Variants in PIK3R4 observed in about 807,000 individuals in gnomAD.
PIK3R4 encodes phosphoinositide 3-kinase regulatory subunit 4.
A neutral mutation model predicts 136.5 loss-of-function variants in PIK3R4; 46 were observed. The observed-to-expected ratio is 0.34, with a 90% CI of 0.27 to 0.43. PIK3R4 has a LOEUF of 0.43. Ranked by LOEUF, PIK3R4 falls within the 20% of genes least tolerant of loss-of-function variation. The probability of loss-of-function intolerance (pLI) is 1.00; values close to 1 mark genes in which losing one functional copy is unlikely to be tolerated. For synonymous variants in PIK3R4, 557 were observed against 566.7 expected, an observed-to-expected ratio of 0.98 and a Z score of 0.24; for missense variants, 1,331 against 1,649.5, an observed-to-expected ratio of 0.81 and a Z score of 3.35.
chr3:130,722,700 T>C (rs2066708467), intron 7 of PIK3R4, among the ~76,000 whole-genome samples: 2 of 151,898 alleles, frequency 1.3e-5, no homozygotes, highest in Non-Finnish European at 2.9e-5. Context: ...GCTAGTCAAG[T>C]GCCCAAAAAT....
chr3:130,728,341 A>C, intron 6 of PIK3R4, 122 bp downstream of exon 6: 1 of 659,764 alleles, frequency 1.5e-6, no homozygotes, highest in South Asian at 2.2e-5. Context: ...TGAAGACAGA[A>C]ATACTAGGAA....
chr3:130,696,160 G>C (rs1306801876), intron 13 of PIK3R4, among the ~76,000 whole-genome samples: 2 of 151,508 alleles, frequency 1.3e-5, no homozygotes, highest in South Asian at 2.1e-4. Flanking sequence ...TTAGTAACTT[G>C]AGTCCTCCCT....
intron 15 of PIK3R4, 53 bp from the exon 16 acceptor site, chr3:130,684,434 G>C: frequency 6.7e-7 from 1 of 1,499,694 alleles, no homozygotes; most frequent in Non-Finnish European, 9.2e-7. Flanking sequence ...AGTGCATCAA[G>C]CTGCATTTAT....
intron 7 of PIK3R4, among the ~76,000 whole-genome samples, chr3:130,721,471 A>G (rs1396683865): frequency 6.6e-6 from 1 of 152,224 alleles, no homozygotes; most frequent in Non-Finnish European, 1.5e-5. Context: ...AGCATTATTC[A>G]CAAGAGTCGA....
At chr3:130,697,503 T>A (rs1182769483) in intron 13 of PIK3R4, among the ~76,000 whole-genome samples, 3 of 152,188 alleles carry the variant, frequency 2.0e-5, no homozygotes, top group African/African-American at 7.2e-5. Context: ...TTTCACCCCT[T>A]CTACCAACTC....
chr3:130,702,053 A>T (rs1319850357), intron 13 of PIK3R4, among the ~76,000 whole-genome samples: 3 of 151,938 alleles, frequency 2.0e-5, no homozygotes, highest in African/African-American at 4.8e-5. Context: ...AGGCGGGAGG[A>T]TTGCTTGAAA....
At chr3:130,726,779 T>C (rs1308910720) in intron 6 of PIK3R4, among the ~76,000 whole-genome samples, 4 of 151,984 alleles carry the variant, frequency 2.6e-5, no homozygotes, top group African/African-American at 7.2e-5. Flanking sequence ...CAAACTAATA[T>C]GTGTTTCAAA....
intron 9 of PIK3R4, among the ~76,000 whole-genome samples, chr3:130,715,711 G>A (rs1315167858): frequency 6.6e-6 from 1 of 152,068 alleles, no homozygotes; most frequent in Non-Finnish European, 1.5e-5. Context: ...TAGGCTGCCT[G>A]TTCACTCTGA....
intron 13 of PIK3R4, among the ~76,000 whole-genome samples, chr3:130,692,963 A>G (rs1576452062): frequency 6.6e-6 from 1 of 152,102 alleles, no homozygotes; most frequent in South Asian, 2.1e-4. Context: ...CCCAAAAGAA[A>G]CCCTGTATCC....
intron 15 of PIK3R4, 146 bp downstream of exon 15, chr3:130,686,065 G>T: frequency 1.7e-6 from 1 of 598,906 alleles, no homozygotes. Flanking sequence ...AAATAAAATT[G>T]CAAGTTATTT....
At chr3:130,718,632 G>T in intron 7 of PIK3R4, 98 bp from the exon 8 acceptor site, 1 of 1,211,562 alleles carries the variant, frequency 8.3e-7, no homozygotes. Flanking sequence ...AAAGGATTTT[G>T]CCACAGTGTT....
intron 9 of PIK3R4, among the ~76,000 whole-genome samples, chr3:130,709,539 A>C (rs1170278046): frequency 3.3e-5 from 5 of 152,130 alleles, no homozygotes. Flanking sequence ...TCTTGACTAA[A>C]TCCCAGTGTT....
chr3:130,679,586 A>ATGT, intron 19 of PIK3R4, 101 bp from the exon 20 acceptor site: 1 of 759,038 alleles, frequency 1.3e-6, no homozygotes, highest in South Asian at 1.8e-5. Flanking sequence ...TGTTGTATTT[A>ATGT]AGTTAACACC....
chr3:130,708,925 G>A (rs529198721), intron 9 of PIK3R4, among the ~76,000 whole-genome samples: 2 of 152,202 alleles, frequency 1.3e-5, no homozygotes, highest in African/African-American at 4.8e-5. Context: ...GTTGTGTTGA[G>A]AAATTTATAT....
At chr3:130,700,536 G>C (rs2066568935) in intron 13 of PIK3R4, among the ~76,000 whole-genome samples, 1 of 152,160 alleles carries the variant, frequency 6.6e-6, no homozygotes, top group Non-Finnish European at 1.5e-5. Flanking sequence ...TAGTCCCAAA[G>C]AGACAAACTG....
intron 6 of PIK3R4, among the ~76,000 whole-genome samples, chr3:130,728,079 C>T (rs1309847697): frequency 1.3e-5 from 2 of 151,646 alleles, no homozygotes; most frequent in African/African-American, 2.4e-5. Flanking sequence ...TGCATGTTCA[C>T]TTTTATTAAC....
At position 130,681,083 on chromosome 3, in the gene PIK3R4, T is replaced by C. The variant is rs768773260; in HGVS notation, c.3709-18A>G. On this transcript the variant is annotated intron_variant, in intron 17 of 19. Coordinates refer to ENST00000356763, the MANE Select transcript of PIK3R4 (RefSeq NM_014602.3). The stretch of plus-strand genomic sequence containing the variant: ...GGAGAAGGCTTAAAAGAAATAGATG[T>C]GGAGTCAAATAAAAGACATCCGTGT... 1.5e-6 allele frequency: 2 copies of C among 1,333,726 alleles called. No homozygotes were observed. The highest frequency in any genetic ancestry group is 2.2e-6 in the Non-Finnish European group (2 of 924,262). The allele number at this position is 1,333,726 out of a possible 1,614,324, so 82.6% of individuals were successfully genotyped here.
chr3:130,739,130 G>A (rs909656728), intron 2 of PIK3R4, among the ~76,000 whole-genome samples: 2 of 152,192 alleles, frequency 1.3e-5, no homozygotes, highest in African/African-American at 4.8e-5. Context: ...AGGCCGGACT[G>A]CAGTGGCGCT....
chr3:130,733,378 G>A (rs1474796224), intron 4 of PIK3R4, among the ~76,000 whole-genome samples, 170 bp downstream of exon 4: 2 of 152,162 alleles, frequency 1.3e-5, no homozygotes, highest in Non-Finnish European at 2.9e-5. Flanking sequence ...ACACACAAAC[G>A]TTGATTCCCA....
Sources: gnomAD v4.1 joint callset for allele counts (sites outside exome capture counted in the v4.1 genomes callset) on GRCh38, gnomAD v4.1.1 for gene constraint, MANE v1.5 for transcripts, NCBI Gene and HGNC (gene_info 2026-07-23, HGNC 2026-07-21) for gene names.